TTC7B: variants seen among roughly 807,000 people sequenced by gnomAD.
TTC7B encodes the protein tetratricopeptide repeat domain 7B, also known as tetratricopeptide repeat protein 7B.
TTC7B carries 28 observed loss-of-function variants against 106.8 expected under a neutral mutation model. The observed-to-expected ratio is 0.26, with a 90% CI of 0.19 to 0.36. TTC7B has a LOEUF of 0.36. Ranked by LOEUF, TTC7B falls within the 10% of genes least tolerant of loss-of-function variation. TTC7B has a pLI of 1.00. For synonymous variants in TTC7B, 405 were observed against 430.6 expected (o/e 0.94, Z 0.74); for missense variants, 862 against 1,076.4 (o/e 0.80, Z 2.79).
At position 90,816,306 on chromosome 14, in the gene TTC7B, C is replaced by T. The variant is rs764014143; in HGVS notation, c.-11G>A. 23 of 1,127,656 alleles carry T rather than the reference C, an allele frequency of 2.0e-5. No homozygotes were observed. Among genetic ancestry groups the T allele is most frequent in the Admixed American group, 3.1e-5 (1 of 32,092 alleles). The allele number at this position is 1,127,656 out of a possible 1,614,324, so 69.9% of individuals were successfully genotyped here. A position where few individuals can be genotyped will look rare whatever the true frequency, so the allele number is the denominator to read the frequency against. ...CTTCTTGGTCGCCATCGCGGCCTGG[C>T]CGGGCCCGGCCGCCCGCCCCGCAGG... On this transcript the variant is annotated 5_prime_UTR_variant, in exon 1 of 20. Transcript: ENST00000328459.
chr14:90,716,782 G>T (rs1204489767), intron 5 of TTC7B, among the ~76,000 whole-genome samples: 1 of 152,068 alleles, frequency 6.6e-6, no homozygotes, highest in Admixed American at 6.6e-5. Flanking sequence ...TTATTTCCAG[G>T]ATGCAGGGAT....
At chr14:90,734,624 C>T (rs1044280531) in intron 4 of TTC7B, among the ~76,000 whole-genome samples, 1 of 152,128 alleles carries the variant, frequency 6.6e-6, no homozygotes, top group Non-Finnish European at 1.5e-5. Flanking sequence ...AGATGCTGCT[C>T]AGGCATCATC....
chr14:90,696,085 C>A (rs1047506813), intron 5 of TTC7B, among the ~76,000 whole-genome samples: 2 of 152,110 alleles, frequency 1.3e-5, no homozygotes, highest in African/African-American at 4.8e-5. Context: ...CCAGTAAATT[C>A]ATCAAACCAA....
At chr14:90,543,405 A>G (rs1012347154) in intron 19 of TTC7B, among the ~76,000 whole-genome samples, 4 of 152,140 alleles carry the variant, frequency 2.6e-5, no homozygotes, top group African/African-American at 9.7e-5. Flanking sequence ...CTTGTAAGGC[A>G]CTGCCTCCAT....
chr14:90,630,705 C>A (rs1384593826), intron 15 of TTC7B, among the ~76,000 whole-genome samples: 1 of 152,234 alleles, frequency 6.6e-6, no homozygotes, highest in Non-Finnish European at 1.5e-5. Context: ...AGTTTGACTA[C>A]TCCACGTACC....
chr14:90,734,944 C>T (rs986780848), intron 4 of TTC7B, among the ~76,000 whole-genome samples: 19 of 152,146 alleles, frequency 1.2e-4, no homozygotes, highest in Non-Finnish European at 2.5e-4. Context: ...CCACCACGCC[C>T]AGCTAATTTT....
chr14:90,622,515 G>A (rs947032653), intron 15 of TTC7B, among the ~76,000 whole-genome samples: 2 of 150,974 alleles, frequency 1.3e-5, no homozygotes, highest in African/African-American at 2.4e-5. Context: ...GATCGCTTGA[G>A]CTCACAAGTT....
At chr14:90,745,858 C>A (rs927857899) in intron 3 of TTC7B, among the ~76,000 whole-genome samples, 3 of 151,936 alleles carry the variant, frequency 2.0e-5, no homozygotes, top group African/African-American at 7.3e-5. Flanking sequence ...GCGCATTCCA[C>A]CACACCTGGC....
chr14:90,622,812 G>T (rs74353627), intron 15 of TTC7B, among the ~76,000 whole-genome samples: 1,952 of 152,178 alleles, frequency 0.013, 47 homozygotes, highest in African/African-American at 0.045. Flanking sequence ...GAAGAACCTT[G>T]CTAAAATACC....
intron 19 of TTC7B, among the ~76,000 whole-genome samples, chr14:90,544,159 A>G (rs1266971580): frequency 6.6e-6 from 1 of 152,222 alleles, no homozygotes; most frequent in Non-Finnish European, 1.5e-5. Flanking sequence ...CTGGGTGAGG[A>G]GGAGGCGGAG....
At chr14:90,556,083 TG>T (rs1186316168) in intron 19 of TTC7B, among the ~76,000 whole-genome samples, 1 of 152,108 alleles carries the variant, frequency 6.6e-6, no homozygotes, top group Non-Finnish European at 1.5e-5. Flanking sequence ...CTGACCTAAT[TG>T]AAAGTGTCAG....
chr14:90,748,390 G>A (rs1049274641), intron 3 of TTC7B, among the ~76,000 whole-genome samples: 13 of 152,054 alleles, frequency 8.5e-5, no homozygotes, highest in South Asian at 2.1e-4. Context: ...GTACAGTGGC[G>A]CGATCTTGGC....
At chr14:90,614,302 C>A (rs1892981716) in intron 16 of TTC7B, among the ~76,000 whole-genome samples, 1 of 151,602 alleles carries the variant, frequency 6.6e-6, no homozygotes, top group South Asian at 2.1e-4. Flanking sequence ...TGAGGACATG[C>A]TTTATAAAAA....
intron 19 of TTC7B, among the ~76,000 whole-genome samples, chr14:90,549,880 C>T (rs772388669): frequency 1.3e-5 from 2 of 152,080 alleles, no homozygotes; most frequent in African/African-American, 2.4e-5. Context: ...TATTTGTACG[C>T]CTTCAGTGGG....
At chr14:90,744,755 A>G in intron 4 of TTC7B, 37 bp downstream of exon 4, 2 of 1,601,508 alleles carry the variant, frequency 1.2e-6, no homozygotes, top group African/African-American at 2.7e-5. Context: ...ATTTGAGGGA[A>G]AAAGTTATCA....
intron 17 of TTC7B, chr14:90,602,268 T>C: frequency 2.2e-6 from 1 of 455,604 alleles, no homozygotes; most frequent in East Asian, 6.9e-5. Context: ...TCTCAGAACA[T>C]TTAATGTGGT....
In TTC7B at chr14:90,600,312, C is replaced by T. The variant is rs1892373401; in HGVS notation, c.1967-6686G>A. On this transcript the variant is annotated intron_variant, in intron 17 of 19. Transcript: ENST00000328459. The surrounding 1 kb of genome is among the most constrained non-coding windows in gnomAD (Gnocchi z 4.3). ...CTCCAGGTGGTGGCTCCTTGCACCG[C>T]GCTGTCACAGCTCTCCTCTCCATCT... is the stretch of plus-strand genomic sequence containing the variant. 6.6e-6 allele frequency among the ~76,000 whole-genome samples: 1 copy of T among 152,174 alleles called. No individual in the cohort carries two copies. Among genetic ancestry groups the T allele is most frequent in the Non-Finnish European group, 1.5e-5 (1 of 68,024 alleles).
At chr14:90,707,948 C>T (rs1264657813) in intron 5 of TTC7B, among the ~76,000 whole-genome samples, 1 of 151,946 alleles carries the variant, frequency 6.6e-6, no homozygotes, top group African/African-American at 2.4e-5. Context: ...AGCTCGAGAC[C>T]AGCCTGGCCA....
intron 5 of TTC7B, 58 bp from the exon 6 acceptor site, chr14:90,695,636 T>C: frequency 8.7e-7 from 1 of 1,143,936 alleles, no homozygotes. Flanking sequence ...TTAAATATTT[T>C]ATATGCACGT....
Sources: gnomAD v4.1 joint callset for allele counts (sites outside exome capture counted in the v4.1 genomes callset) on GRCh38, gnomAD v4.1.1 for gene constraint, Gnocchi (gnomAD v3.1) non-coding constraint, MANE v1.5 for transcripts, NCBI Gene and HGNC (gene_info 2026-07-23, HGNC 2026-07-21) for gene names.